Variants in AFG2A observed in about 807,000 individuals in gnomAD.
AFG2A encodes ATPase family gene 2 protein homolog A.
the AFG2A span, among the ~76,000 whole-genome samples, chr4:123,257,697 A>C: frequency 1.3e-5 from 2 of 152,204 alleles, no homozygotes; most frequent in Admixed American, 6.5e-5. Context: ...TTTTGATTTG[A>C]GACGAGGGCT....
the AFG2A span, among the ~76,000 whole-genome samples, chr4:123,194,116 T>C: frequency 6.6e-6 from 1 of 152,230 alleles, no homozygotes; most frequent in East Asian, 1.9e-4. Context: ...TATAAGTGTT[T>C]ATGAAGCAAC....
the AFG2A span, among the ~76,000 whole-genome samples, chr4:123,124,474 A>G: frequency 6.6e-6 from 1 of 152,120 alleles, no homozygotes; most frequent in East Asian, 1.9e-4. Context: ...AACATCACAT[A>G]CCAGGGCCTG....
At chr4:123,074,851 A>G in the AFG2A span, among the ~76,000 whole-genome samples, 1 of 152,184 alleles carries the variant, frequency 6.6e-6, no homozygotes, top group Non-Finnish European at 1.5e-5. Flanking sequence ...TCTTTCATTT[A>G]TAGAATTTAG....
the AFG2A span, among the ~76,000 whole-genome samples, chr4:123,014,091 C>A: frequency 1.3e-5 from 2 of 152,174 alleles, no homozygotes; most frequent in Admixed American, 1.3e-4. Context: ...AGGGGTCAAT[C>A]AGTAGAATCC....
At chr4:122,978,336 C>G in the AFG2A span, among the ~76,000 whole-genome samples, 2 of 151,972 alleles carry the variant, frequency 1.3e-5, no homozygotes, top group Non-Finnish European at 2.9e-5. Context: ...ATGTCCTGCT[C>G]TTAGTGGTGA....
the AFG2A span, among the ~76,000 whole-genome samples, chr4:123,296,229 A>G: frequency 6.6e-6 from 1 of 152,190 alleles, no homozygotes; most frequent in African/African-American, 2.4e-5. Flanking sequence ...TCTTAATACA[A>G]GTTAATAAGA....
At chr4:123,164,810 A>C in the AFG2A span, among the ~76,000 whole-genome samples, 1 of 152,182 alleles carries the variant, frequency 6.6e-6, no homozygotes, top group Non-Finnish European at 1.5e-5. Flanking sequence ...CAGACCAAGT[A>C]TTCTGGTTCC....
the AFG2A span, among the ~76,000 whole-genome samples, chr4:123,204,516 G>A: frequency 1.3e-5 from 2 of 152,126 alleles, no homozygotes; most frequent in Non-Finnish European, 2.9e-5. Context: ...TTGGTGAAAT[G>A]TCCGCTCATG....
chr4:123,064,383 A>G, the AFG2A span, among the ~76,000 whole-genome samples: 1 of 152,226 alleles, frequency 6.6e-6, no homozygotes, highest in Non-Finnish European at 1.5e-5. Context: ...TGCTTATTAC[A>G]TACTAGAAAC....
At chr4:123,134,733 A>C in the AFG2A span, among the ~76,000 whole-genome samples, 3 of 152,058 alleles carry the variant, frequency 2.0e-5, no homozygotes, top group East Asian at 5.8e-4. Flanking sequence ...ATCTGAACAG[A>C]CCAATAATTA....
the AFG2A span, among the ~76,000 whole-genome samples, chr4:123,082,499 T>C: frequency 6.8e-6 from 1 of 147,134 alleles, no homozygotes; most frequent in Admixed American, 6.9e-5. Flanking sequence ...TTTGTGTGTG[T>C]CTCTGTCTCT....
the AFG2A span, chr4:122,979,493 T>A: frequency 3.0e-6 from 4 of 1,313,464 alleles, no homozygotes; most frequent in Admixed American, 9.1e-5. Context: ...AAAAAATATT[T>A]TTCTTAATTG....
At chr4:123,216,576 C>A in the AFG2A span, among the ~76,000 whole-genome samples, 1 of 151,696 alleles carries the variant, frequency 6.6e-6, no homozygotes, top group African/African-American at 2.4e-5. Flanking sequence ...ATAAATAACA[C>A]AACATTTATG....
the AFG2A span, among the ~76,000 whole-genome samples, chr4:123,195,541 G>C: frequency 6.6e-6 from 1 of 152,100 alleles, no homozygotes; most frequent in Non-Finnish European, 1.5e-5. Context: ...CAGATATACA[G>C]TTATGTTTTT....
At chr4:122,980,265 T>A in the AFG2A span, among the ~76,000 whole-genome samples, 597 of 152,342 alleles carry the variant, frequency 3.9e-3, 2 homozygotes, top group African/African-American at 0.013. Flanking sequence ...CCTTAACTTA[T>A]TTCAGTAGGC....
At chr4:123,169,879 A>T in the AFG2A span, among the ~76,000 whole-genome samples, 125 of 152,286 alleles carry the variant, frequency 8.2e-4, no homozygotes, top group Non-Finnish European at 1.2e-3. Flanking sequence ...CGTAACAGAG[A>T]GTATGGTTGG....
chr4:123,209,586 AT>A, the AFG2A span, among the ~76,000 whole-genome samples: 391 of 116,254 alleles, frequency 3.4e-3, no homozygotes, highest in African/African-American at 7.2e-3. Flanking sequence ...TGCATCAAGA[AT>A]TTTTTTTTTT....
the AFG2A span, among the ~76,000 whole-genome samples, chr4:123,239,556 A>G: frequency 2.0e-5 from 3 of 152,330 alleles, no homozygotes; most frequent in South Asian, 6.2e-4. Flanking sequence ...TTTTCAACCC[A>G]GAATTTGATA....
chr4:123,264,909 G>C, the AFG2A span, among the ~76,000 whole-genome samples: 1 of 152,118 alleles, frequency 6.6e-6, no homozygotes, highest in Non-Finnish European at 1.5e-5. Context: ...ATCCCTTAGG[G>C]ATTGGACCTC....
Sources: gnomAD v4.1 joint callset for allele counts (sites outside exome capture counted in the v4.1 genomes callset) on GRCh38, gnomAD v4.1.1 for gene constraint, MANE v1.5 for transcripts, NCBI Gene and HGNC (gene_info 2026-07-23, HGNC 2026-07-21) for gene names.